The following SCN3A variants were observed in gnomAD, a reference collection of about 807,000 sequenced individuals.
SCN3A encodes the protein sodium voltage-gated channel alpha subunit 3.
Under a neutral mutation model 187.6 loss-of-function variants are expected in SCN3A, and 60 were observed. That is an observed-to-expected ratio of 0.32 (90% CI 0.26 to 0.40). The LOEUF (loss-of-function observed/expected upper bound fraction) is 0.40, where lower values mean the gene tolerates loss of function less well. Among genes scored for constraint, SCN3A ranks in the 10% least tolerant of loss-of-function variants. The pLI is 1.00. For missense variants in SCN3A, 1,601 were observed against 2,428.2 expected, an observed-to-expected ratio of 0.66 and a Z score of 7.16; for synonymous variants, 788 against 829.2, an observed-to-expected ratio of 0.95 and a Z score of 0.85.
chr2:165,161,469 C>G (rs1689393707), intron 9 of SCN3A, among the ~76,000 whole-genome samples: 1 of 151,968 alleles, frequency 6.6e-6, no homozygotes, highest in African/African-American at 2.4e-5. Flanking sequence ...GGAAAACTGT[C>G]AGGAAAAAAA....
At chr2:165,112,233 G>C (rs11692906) in intron 21 of SCN3A, among the ~76,000 whole-genome samples, 3,744 of 152,304 alleles carry the variant, frequency 0.025, 64 homozygotes, top group East Asian at 0.081. Flanking sequence ...CTGCACGTCA[G>C]ATAGATTCCA....
chr2:165,091,305 G>T lies in SCN3A; in HGVS notation c.4848C>A (p.Ser1616=). 1 of 1,613,920 alleles carries T rather than the reference G, an allele frequency of 6.2e-7. No homozygotes were observed. Among genetic ancestry groups the T allele is most frequent in the East Asian group, 2.2e-5 (1 of 44,860 alleles). The change falls in exon 28 of 28, where the codon TCC becomes TCA. Residue 1616 remains serine, a synonymous_variant. Coordinates refer to ENST00000283254, the MANE Select transcript of SCN3A (RefSeq NM_006922.4). The part of the protein sequence containing the change: ...LAEMIEKYFV[S]PTLFRVIRLA... Reference sequence around the variant, plus strand: ...GACGGATCACTCGGAACAAGGTAGGGGACACAAAATACTTTTCTATCATCT... The same window carrying T: ...GACGGATCACTCGGAACAAGGTAGGTGACACAAAATACTTTTCTATCATCT...
Position 165,176,233 on chromosome 2 carries a change from G to A in SCN3A, c.162C>T (p.Asp54=). The A allele has an allele frequency of 6.2e-7, 1 of 1,613,956 alleles. No individual in the cohort carries two copies. Among genetic ancestry groups the A allele is most frequent in the Non-Finnish European group, 8.5e-7 (1 of 1,179,966 alleles). The change falls in exon 3 of 28, where the codon GAC becomes GAT. Residue 54 remains aspartate, a synonymous_variant. Transcript: ENST00000283254. ...DDENKPKPNS[D]LEAGKNLPFI... Reference sequence around the variant, plus strand: ...ATGGAAGGTTCTTTCCAGCTTCCAAGTCACTATTTGGCTTTGGTTTGTTCT... The same window carrying A: ...ATGGAAGGTTCTTTCCAGCTTCCAAATCACTATTTGGCTTTGGTTTGTTCT...
At chr2:165,099,831 A>G (rs2105657897) in intron 22 of SCN3A, among the ~76,000 whole-genome samples, 1 of 152,362 alleles carries the variant, frequency 6.6e-6, no homozygotes, top group South Asian at 2.1e-4. Flanking sequence ...GCTAAAATTC[A>G]ATGTTGTTTC....
chr2:165,090,855 G>A lies in SCN3A; in HGVS notation c.5298C>T (p.Tyr1766=). 1.9e-6 allele frequency: 3 copies of A among 1,614,070 alleles called. No homozygotes were observed. Among genetic ancestry groups the A allele is most frequent in the African/African-American group, 1.3e-5 (1 of 74,988 alleles). Residue 1766 remains tyrosine (Y), a synonymous_variant, in exon 28 of 28, where the codon TAC becomes TAT. Transcript: ENST00000283254. The surrounding 1 kb of genome is among the most constrained non-coding windows in gnomAD (Gnocchi z 4.0). ...TGAAGTTCTCCAGGATGACCGCGATGTACATGTTCACCACAACCAGGAAGG... is the reference window on the plus strand; with the variant it reads ...TGAAGTTCTCCAGGATGACCGCGATATACATGTTCACCACAACCAGGAAGG... ...IISFLVVVNM[Y]IAVILENFSV...
At position 165,095,307 on chromosome 2, in the gene SCN3A, G is replaced by T. The variant is rs555167018; in HGVS notation, c.4431+204C>A. Among the ~76,000 whole-genome samples the T allele has an allele frequency of 1.2e-4, 18 of 152,302 alleles. 1 individual carries two copies. The East Asian group carries it at 2.5e-3, about 21-fold the overall frequency. On this transcript the variant is annotated intron_variant, in intron 25 of 27. Transcript: ENST00000283254. ...TCCGAAGGAGTGGACACATTTTTGG[G>T]TCAGAAAGCTATCCAATAGATAAAC...
chr2:165,169,109 C>T (rs1345030942), intron 4 of SCN3A, among the ~76,000 whole-genome samples: 1 of 151,648 alleles, frequency 6.6e-6, no homozygotes, highest in African/African-American at 2.4e-5. Context: ...TGTGAAATTG[C>T]CCTGGAAGAA....
At chr2:165,168,387 G>T (rs968277357) in intron 5 of SCN3A, among the ~76,000 whole-genome samples, 1 of 151,692 alleles carries the variant, frequency 6.6e-6, no homozygotes, top group Non-Finnish European at 1.5e-5. Context: ...CTATATACTG[G>T]AATAAAATAA....
intron 11 of SCN3A, among the ~76,000 whole-genome samples, chr2:165,153,182 A>C (rs889327013): frequency 2.0e-5 from 3 of 152,138 alleles, no homozygotes; most frequent in African/African-American, 7.2e-5. Context: ...AAAAGTTCAA[A>C]GGCAATGCAG....
At position 165,092,491 on chromosome 2, in the gene SCN3A, T is replaced by A; in HGVS notation, c.4570A>T (p.Thr1524Ser). 1 of 1,613,812 alleles carries A rather than the reference T, an allele frequency of 6.2e-7. No homozygotes were observed. Among genetic ancestry groups the A allele is most frequent in the Non-Finnish European group, 8.5e-7 (1 of 1,179,788 alleles). ...KFQGMVFDFV[T>S]RQVFDISIMI... is the part of the protein sequence containing the mutation. ...ATGCTGATATCAAAGACTTGTCTGG[T>A]TACAAAATCAAAGACCATTCCTTGG... is the stretch of plus-strand genomic sequence containing the variant. The change falls in exon 27 of 28, where the codon ACC becomes TCC. Residue 1524 changes from threonine (T) to serine (S), a missense_variant. Around this residue, in one of 11 missense-constraint regions of SCN3A, gnomAD observed 320 missense variants for 623.2 expected, o/e 0.51. Transcript: ENST00000283254. The surrounding 1 kb of genome is among the most constrained non-coding windows in gnomAD (Gnocchi z 4.2).
rs532702871 is a variant in SCN3A, at chr2:165,111,965, G to A, written c.3843+920C>T. On this transcript the variant is annotated intron_variant, in intron 21 of 27. Transcript: ENST00000283254. ...TGTGGGAGGAAGAAGAGTAGAATCTGGATAGACCCAGACTCGTCAAAAATG... is the reference window on the plus strand; with the variant it reads ...TGTGGGAGGAAGAAGAGTAGAATCTAGATAGACCCAGACTCGTCAAAAATG... Among the ~76,000 whole-genome samples the A allele has an allele frequency of 2.0e-5, 3 of 152,244 alleles. No homozygotes were observed. The South Asian group carries it at 6.2e-4, about 32-fold the overall frequency.
intron 21 of SCN3A, among the ~76,000 whole-genome samples, chr2:165,108,399 T>C (rs999081946): frequency 3.3e-5 from 5 of 152,104 alleles, no homozygotes; most frequent in African/African-American, 1.2e-4. Flanking sequence ...GAGCAGCTTA[T>C]GGGATTCTAA....
At chr2:165,201,973 T>G (rs997605444) in intron 1 of SCN3A, among the ~76,000 whole-genome samples, 2 of 152,044 alleles carry the variant, frequency 1.3e-5, no homozygotes, top group African/African-American at 4.8e-5. Context: ...ACTTGGGGTC[T>G]TTTCTGAGAC....
chr2:165,112,041 T>C (rs1392835939), intron 21 of SCN3A, among the ~76,000 whole-genome samples: 1 of 152,080 alleles, frequency 6.6e-6, no homozygotes, highest in Non-Finnish European at 1.5e-5. Flanking sequence ...TATTGACAAG[T>C]GTTAGAGCTA....
intron 1 of SCN3A, among the ~76,000 whole-genome samples, chr2:165,190,286 TG>T (rs1691508431): frequency 6.6e-6 from 1 of 152,156 alleles, no homozygotes; most frequent in Non-Finnish European, 1.5e-5. Context: ...ATCACCTTCG[TG>T]GTGGTTCATG....
At chr2:165,126,656 T>TCCTC (rs1036653693) in intron 18 of SCN3A, among the ~76,000 whole-genome samples, 63 of 135,124 alleles carry the variant, frequency 4.7e-4, no homozygotes, top group Middle Eastern at 3.7e-3. Context: ...TTCCCTCCCT[T>TCCTC]CCTCCCTCCC....
At position 165,092,272 on chromosome 2, in the gene SCN3A, C is replaced by T; in HGVS notation, c.4789G>A (p.Val1597Met). 1 of 1,613,998 alleles carries T rather than the reference C, an allele frequency of 6.2e-7. No homozygotes were observed. The highest frequency in any genetic ancestry group is 1.1e-5 in the South Asian group (1 of 91,072). Reference protein sequence around the residue: ...IGWNIFDFVVVILSIVGMFLA... With the variant: ...IGWNIFDFVVMILSIVGMFLA... ...TTCTTACCTACAATGGAGAGAATCA[C>T]CACCACAAAGTCAAAGATGTTCCAG... Residue 1597 changes from valine (V) to methionine (M), a missense_variant, in exon 27 of 28, where the codon GTG becomes ATG. Val to Met is a conservative substitution (Grantham distance 21). Coordinates refer to ENST00000283254, the MANE Select transcript of SCN3A (RefSeq NM_006922.4). The surrounding 1 kb of genome is among the most constrained non-coding windows in gnomAD (Gnocchi z 4.2).
rs566786025 is a variant in SCN3A, at chr2:165,198,336, A to G, written c.-248+5487T>C. On this transcript the variant is annotated intron_variant, in intron 1 of 27. Coordinates refer to ENST00000283254, the MANE Select transcript of SCN3A (RefSeq NM_006922.4). ...TAGGAGAAAAGGAATCTGAGTGCCAATGTAGCTGTGCTTCTAAATATGGTC... is the reference window on the plus strand; with the variant it reads ...TAGGAGAAAAGGAATCTGAGTGCCAGTGTAGCTGTGCTTCTAAATATGGTC... Among the ~76,000 whole-genome samples, 4 of 152,140 alleles carry G rather than the reference A, an allele frequency of 2.6e-5. No homozygotes were observed. In the South Asian group the frequency reaches 8.3e-4, roughly 32 times the overall value.
At chr2:165,188,762 CT>C (rs545804723) in intron 1 of SCN3A, among the ~76,000 whole-genome samples, 2,340 of 147,544 alleles carry the variant, frequency 0.016, 55 homozygotes, top group African/African-American at 0.048. Flanking sequence ...CGCCACTGCA[CT>C]CCAGCCTGTG....
Sources: gnomAD v4.1 joint callset for allele counts (sites outside exome capture counted in the v4.1 genomes callset) on GRCh38, gnomAD v4.1.1 for gene constraint, gnomAD v4.1.1 regional missense constraint, Gnocchi (gnomAD v3.1) non-coding constraint, MANE v1.5 for transcripts, NCBI Gene and HGNC (gene_info 2026-07-23, HGNC 2026-07-21) for gene names.